ATP10A: variants seen among roughly 807,000 people sequenced by gnomAD.
ATP10A encodes phospholipid-transporting ATPase VA.
A neutral mutation model predicts 147.8 loss-of-function variants in ATP10A; 111 were observed. That is an observed-to-expected ratio of 0.75 (90% CI 0.64 to 0.88). ATP10A has a LOEUF of 0.88. ATP10A is among the 40% of genes least tolerant of loss of function. ATP10A has a pLI of 0.00. For synonymous variants in ATP10A, 875 were observed against 841.6 expected, an observed-to-expected ratio of 1.04 and a Z score of -0.69; for missense variants, 1,927 against 1,959.0, an observed-to-expected ratio of 0.98 and a Z score of 0.31.
chr15:25,777,116 T>TGTGTGTGTGTAC (rs890539071), intron 2 of ATP10A, among the ~76,000 whole-genome samples: 4 of 151,834 alleles, frequency 2.6e-5, no homozygotes, highest in African/African-American at 9.7e-5. Context: ...TGTGTGTGTG[T>TGTGTGTGTGTAC]GTACCCGTTC....
At chr15:25,806,679 T>A (rs558852395) in intron 1 of ATP10A, among the ~76,000 whole-genome samples, 22 of 152,288 alleles carry the variant, frequency 1.4e-4, no homozygotes, top group Middle Eastern at 6.8e-3. Context: ...ATATAATGCA[T>A]CTAACGTACA....
chr15:25,732,649 G>A (rs897688273), intron 3 of ATP10A, among the ~76,000 whole-genome samples: 25 of 139,018 alleles, frequency 1.8e-4, no homozygotes, highest in African/African-American at 5.3e-4. Context: ...TCCGCCTCCC[G>A]GGTTCACGCC....
At chr15:25,809,137 T>C (rs575312185) in intron 1 of ATP10A, among the ~76,000 whole-genome samples, 1 of 152,086 alleles carries the variant, frequency 6.6e-6, no homozygotes, top group East Asian at 1.9e-4. Flanking sequence ...TCCTGAAGGA[T>C]GGAAGAGTCT....
At chr15:25,768,451 C>T (rs1889144166) in intron 2 of ATP10A, among the ~76,000 whole-genome samples, 1 of 152,110 alleles carries the variant, frequency 6.6e-6, no homozygotes, top group South Asian at 2.1e-4. Context: ...CTGTCCACCC[C>T]AAGTGCTTCA....
Position 25,736,278 on chromosome 15 carries a change from A to G in ATP10A, c.655-137T>C, listed in dbSNP as rs1887274701. On this transcript the variant is annotated intron_variant, in intron 2 of 20. Transcript: ENST00000555815. ...AACTCTGCCTATGAATCTCTCTGGA[A>G]AGCCAAAGCAACGCCTTCTCCACTG... is the stretch of plus-strand genomic sequence containing the variant. 5.8e-6 allele frequency: 4 copies of G among 692,580 alleles called. No homozygotes were observed. In the Admixed American group the frequency reaches 8.5e-5, roughly 15 times the overall value. The allele number at this position is 692,580 out of a possible 1,614,324, so 42.9% of individuals were successfully genotyped here. A position where few individuals can be genotyped will look rare whatever the true frequency, so the allele number is the denominator to read the frequency against.
At chr15:25,781,660 A>T (rs1229666100) in intron 1 of ATP10A, among the ~76,000 whole-genome samples, 1 of 149,948 alleles carries the variant, frequency 6.7e-6, no homozygotes, top group Non-Finnish European at 1.5e-5. Flanking sequence ...GTCTCAAAAA[A>T]AAAGAAGGAA....
At chr15:25,797,862 G>A (rs1890753331) in intron 1 of ATP10A, among the ~76,000 whole-genome samples, 1 of 152,124 alleles carries the variant, frequency 6.6e-6, no homozygotes, top group Non-Finnish European at 1.5e-5. Context: ...ATCTCACCCT[G>A]GGCTGGCTCC....
intron 2 of ATP10A, among the ~76,000 whole-genome samples, chr15:25,755,768 A>G (rs1888377229): frequency 6.6e-6 from 1 of 152,178 alleles, no homozygotes; most frequent in African/African-American, 2.4e-5. Flanking sequence ...CCCTAAGTCA[A>G]TAATCTAATG....
intron 1 of ATP10A, among the ~76,000 whole-genome samples, chr15:25,813,121 G>T (rs1891502165): frequency 6.6e-6 from 1 of 152,142 alleles, no homozygotes; most frequent in African/African-American, 2.4e-5. Context: ...TTGAGATTGT[G>T]GCTGAGGCTT....
intron 1 of ATP10A, among the ~76,000 whole-genome samples, chr15:25,845,231 A>G (rs989189426): frequency 6.6e-6 from 1 of 152,176 alleles, no homozygotes; most frequent in African/African-American, 2.4e-5. Context: ...TGAATGTATT[A>G]ACGAAGGTGG....
At chr15:25,731,587 C>T (rs1028102854) in intron 3 of ATP10A, among the ~76,000 whole-genome samples, 3 of 152,158 alleles carry the variant, frequency 2.0e-5, no homozygotes, top group African/African-American at 7.2e-5. Flanking sequence ...TGAGCCAGGC[C>T]TCCATTCCCA....
chr15:25,822,409 G>A (rs1484567724), intron 1 of ATP10A, among the ~76,000 whole-genome samples: 1 of 152,182 alleles, frequency 6.6e-6, no homozygotes, highest in African/African-American at 2.4e-5. Flanking sequence ...TGGGACAGGT[G>A]TGAATTTTAT....
At chr15:25,781,650 G>T (rs1422979195) in intron 1 of ATP10A, among the ~76,000 whole-genome samples, 1 of 149,788 alleles carries the variant, frequency 6.7e-6, no homozygotes, top group Non-Finnish European at 1.5e-5. Flanking sequence ...GTGATATTCC[G>T]TCTCAAAAAA....
At chr15:25,808,214 G>A (rs1213148118) in intron 1 of ATP10A, among the ~76,000 whole-genome samples, 1 of 152,106 alleles carries the variant, frequency 6.6e-6, no homozygotes, top group East Asian at 1.9e-4. Context: ...TTTGTCTTTT[G>A]TCAAGGTCTC....
intron 1 of ATP10A, among the ~76,000 whole-genome samples, chr15:25,826,339 C>G (rs570427157): frequency 6.6e-6 from 1 of 152,220 alleles, no homozygotes; most frequent in Admixed American, 6.5e-5. Context: ...GTGGGTGGAT[C>G]GCTTGAGCTC....
chr15:25,688,262 C>G (rs1899808842), intron 15 of ATP10A, among the ~76,000 whole-genome samples: 1 of 152,204 alleles, frequency 6.6e-6, no homozygotes, highest in Non-Finnish European at 1.5e-5. Context: ...GTATCAGAGA[C>G]AGACATTCCC....
At chr15:25,835,252 T>C (rs1388924851) in intron 1 of ATP10A, among the ~76,000 whole-genome samples, 2 of 152,106 alleles carry the variant, frequency 1.3e-5, no homozygotes, top group African/African-American at 4.8e-5. Flanking sequence ...GCCTGAGCAA[T>C]AGAGTGAGAC....
At chr15:25,721,217 G>A (rs1596754977) in intron 7 of ATP10A, among the ~76,000 whole-genome samples, 1 of 152,216 alleles carries the variant, frequency 6.6e-6, no homozygotes, top group East Asian at 1.9e-4. Context: ...CTAGTTCCCA[G>A]GAACACTGTT....
chr15:25,831,635 C>T (rs192849648), intron 1 of ATP10A, among the ~76,000 whole-genome samples: 14 of 152,244 alleles, frequency 9.2e-5, no homozygotes, highest in South Asian at 2.1e-4. Flanking sequence ...TGAGCTCACA[C>T]GATGTGCAAA....
Sources: allele counts gnomAD v4.1 joint callset (sites outside exome capture counted in the v4.1 genomes callset), GRCh38; gene constraint gnomAD v4.1.1; transcripts MANE v1.5; gene names NCBI Gene and HGNC (gene_info 2026-07-23, HGNC 2026-07-21).